CDH13: variants seen among roughly 807,000 people sequenced by gnomAD.
CDH13 encodes the protein cadherin 13.
CDH13 carries 24 observed loss-of-function variants against 63.8 expected under a neutral mutation model. That is an observed-to-expected ratio of 0.38 (90% CI 0.27 to 0.53). The LOEUF (loss-of-function observed/expected upper bound fraction) is 0.53. CDH13 is among the 20% of genes least tolerant of loss of function. The probability of loss-of-function intolerance (pLI) is 0.85; values close to 1 mark genes in which losing one functional copy is unlikely to be tolerated. For missense variants in CDH13, 1,049 were observed against 903.1 expected, an observed-to-expected ratio of 1.16 and a Z score of -2.07; for synonymous variants, 503 against 355.3, an observed-to-expected ratio of 1.42 and a Z score of -4.67.
At chr16:83,287,098 C>G (rs532413460) in intron 5 of CDH13, among the ~76,000 whole-genome samples, 21 of 152,232 alleles carry the variant, frequency 1.4e-4, no homozygotes, top group African/African-American at 5.1e-4. Context: ...GTTTGAAAAG[C>G]CTTCAGGTAC....
chr16:83,322,162 G>T (rs1165145688), intron 5 of CDH13, among the ~76,000 whole-genome samples: 1 of 152,188 alleles, frequency 6.6e-6, no homozygotes, highest in African/African-American at 2.4e-5. Context: ...ACAAAGAGGA[G>T]GGAAACTGAG....
chr16:83,138,575 A>G (rs2036398225), intron 4 of CDH13, among the ~76,000 whole-genome samples: 1 of 152,240 alleles, frequency 6.6e-6, no homozygotes, highest in South Asian at 2.1e-4. Context: ...TGATGCAAGG[A>G]GGAAATTGTC....
intron 9 of CDH13, among the ~76,000 whole-genome samples, chr16:83,675,787 T>G (rs2150866501): frequency 6.6e-6 from 1 of 152,260 alleles, no homozygotes; most frequent in Admixed American, 6.5e-5. Flanking sequence ...AAATAGGGAA[T>G]TTAAAAGGCA....
chr16:82,972,780 A>C (rs1019352365), intron 2 of CDH13, among the ~76,000 whole-genome samples: 4 of 149,198 alleles, frequency 2.7e-5, no homozygotes, highest in African/African-American at 9.7e-5. Context: ...TTGTGTTTAC[A>C]ACCACTGAGA....
At chr16:83,157,243 G>A (rs777219549) in intron 4 of CDH13, among the ~76,000 whole-genome samples, 7 of 152,000 alleles carry the variant, frequency 4.6e-5, no homozygotes, top group Non-Finnish European at 1.0e-4. Flanking sequence ...CAGATCAAGC[G>A]GTGAGATGAC....
intron 13 of CDH13, among the ~76,000 whole-genome samples, chr16:83,794,017 C>T (rs559572045): frequency 4.4e-4 from 67 of 152,032 alleles, no homozygotes; most frequent in Non-Finnish European, 7.2e-4. Context: ...GCAGTGCTGC[C>T]TCTGAAGATG....
intron 8 of CDH13, among the ~76,000 whole-genome samples, chr16:83,644,962 C>T (rs1210348315): frequency 1.3e-5 from 2 of 152,184 alleles, no homozygotes; most frequent in African/African-American, 4.8e-5. Flanking sequence ...ATTCTGGGCT[C>T]CTCGCTTGGA....
intron 3 of CDH13, among the ~76,000 whole-genome samples, chr16:83,063,838 G>A (rs1056342288): frequency 6.6e-6 from 1 of 152,148 alleles, no homozygotes; most frequent in Non-Finnish European, 1.5e-5. Flanking sequence ...GTCTCTGGAG[G>A]CAGTCGTGAC....
At chr16:83,602,095 A>AG (rs1907862237) in intron 7 of CDH13, among the ~76,000 whole-genome samples, 1 of 77,318 alleles carries the variant, frequency 1.3e-5, no homozygotes. Context: ...AAAAAAAAAA[A>AG]AAGAACAACA....
chr16:83,121,378 A>G (rs993378317), intron 3 of CDH13, among the ~76,000 whole-genome samples: 1 of 151,974 alleles, frequency 6.6e-6, no homozygotes, highest in African/African-American at 2.4e-5. Flanking sequence ...TTTGCATGCA[A>G]CCTCTCTGAA....
At chr16:83,753,267 A>C (rs1248915040) in intron 11 of CDH13, among the ~76,000 whole-genome samples, 1 of 152,318 alleles carries the variant, frequency 6.6e-6, no homozygotes, top group South Asian at 2.1e-4. Context: ...TAGTAGGCCA[A>C]GCAAGGTGGC....
At chr16:83,210,526 G>A (rs1444555095) in intron 4 of CDH13, among the ~76,000 whole-genome samples, 1 of 152,022 alleles carries the variant, frequency 6.6e-6, no homozygotes, top group Non-Finnish European at 1.5e-5. Flanking sequence ...TATTCATTAT[G>A]CAATGTTTAT....
chr16:82,842,147 T>TATATATATACATACATAC, intron 1 of CDH13, among the ~76,000 whole-genome samples: 1 of 21,438 alleles, frequency 4.7e-5, no homozygotes, highest in African/African-American at 1.2e-4. Context: ...TACACATATA[T>TATATATATACATACATAC]ATATATATAT....
At chr16:83,603,850 G>A (rs1328866511) in intron 8 of CDH13, among the ~76,000 whole-genome samples, 1 of 152,134 alleles carries the variant, frequency 6.6e-6, no homozygotes, top group Non-Finnish European at 1.5e-5. Context: ...TCCTGGCTGG[G>A]GAGACCTCAG....
At chr16:83,104,167 A>G (rs1370891681) in intron 3 of CDH13, among the ~76,000 whole-genome samples, 3 of 152,150 alleles carry the variant, frequency 2.0e-5, no homozygotes, top group Non-Finnish European at 2.9e-5. Flanking sequence ...TTACCATCCT[A>G]ACATCAAAAC....
At chr16:83,178,098 T>A (rs1407409716) in intron 4 of CDH13, among the ~76,000 whole-genome samples, 1 of 152,112 alleles carries the variant, frequency 6.6e-6, no homozygotes, top group Non-Finnish European at 1.5e-5. Context: ...TAACTATCGG[T>A]CCACTGAAAA....
chr16:83,472,844 G>T (rs1197390769), intron 6 of CDH13, among the ~76,000 whole-genome samples: 2 of 152,160 alleles, frequency 1.3e-5, no homozygotes, highest in African/African-American at 4.8e-5. Context: ...TCATTCAGAG[G>T]ATACGAGGGT....
chr16:83,577,516 C>T (rs143357294), intron 7 of CDH13, among the ~76,000 whole-genome samples: 259 of 152,320 alleles, frequency 1.7e-3, no homozygotes, highest in Admixed American at 3.2e-3. Flanking sequence ...TTAACACCTT[C>T]TTTCTGTTGC....
intron 5 of CDH13, among the ~76,000 whole-genome samples, chr16:83,231,919 G>C (rs1046534090): frequency 1.3e-5 from 2 of 152,146 alleles, no homozygotes; most frequent in African/African-American, 2.4e-5. Flanking sequence ...TTCTTGCTCA[G>C]CTATTTCACA....
Sources: gnomAD v4.1 joint callset for allele counts (sites outside exome capture counted in the v4.1 genomes callset) on GRCh38, gnomAD v4.1.1 for gene constraint, MANE v1.5 for transcripts, NCBI Gene and HGNC (gene_info 2026-07-23, HGNC 2026-07-21) for gene names.